SCRN1: variants seen among roughly 807,000 people sequenced by gnomAD.
SCRN1 encodes secernin-1.
Under a neutral mutation model 43.3 loss-of-function variants are expected in SCRN1, and 19 were observed. That is an observed-to-expected ratio of 0.44 (90% CI 0.31 to 0.64). SCRN1 has a LOEUF of 0.64. SCRN1 is among the 30% of genes least tolerant of loss of function. SCRN1 has a pLI of 0.09. For synonymous variants in SCRN1, 183 were observed against 188.9 expected (o/e 0.97, Z 0.26); for missense variants, 447 against 524.1 (o/e 0.85, Z 1.44).
chr7:29,984,568 AAAG>A (rs1195590513), intron 1 of SCRN1, among the ~76,000 whole-genome samples: 5 of 152,100 alleles, frequency 3.3e-5, no homozygotes, highest in African/African-American at 9.7e-5. Flanking sequence ...GCACCAGTTA[AAAG>A]AAGAACAATT....
At chr7:29,962,704 AATAAAATAAC>A (rs200171912) in intron 2 of SCRN1, among the ~76,000 whole-genome samples, 1,739 of 152,098 alleles carry the variant, frequency 0.011, 33 homozygotes, top group African/African-American at 0.04. Flanking sequence ...AATAAAATAA[AATAAAATAAC>A]ATAAAATAAC....
rs533574746 is a variant in SCRN1 at position 29,950,402 on chromosome 7, C to T, written c.341+4777G>A. Among the ~76,000 whole-genome samples the T allele has an allele frequency of 7.9e-5, 12 of 152,158 alleles. No individual in the cohort carries two copies. The highest frequency in any genetic ancestry group is 1.6e-4 in the Non-Finnish European group (11 of 68,018). On this transcript the variant is annotated intron_variant, in intron 3 of 7. Transcript: ENST00000242059. The surrounding 1 kb of genome is among the most constrained non-coding windows in gnomAD (Gnocchi z 4.5). ...AGCTCAGTGTGGGCCTGCCAGTGCC[C>T]CCCAAGATGAAAAACCTGGACATCA... is the stretch of plus-strand genomic sequence containing the variant.
chr7:29,945,342 C>T (rs1012737812), intron 3 of SCRN1, among the ~76,000 whole-genome samples: 5 of 152,210 alleles, frequency 3.3e-5, no homozygotes, highest in African/African-American at 1.2e-4. Flanking sequence ...CCGGTCTTTC[C>T]TGTGCTATTC....
chr7:29,983,089 G>A (rs1006692044), intron 1 of SCRN1, among the ~76,000 whole-genome samples: 3 of 151,564 alleles, frequency 2.0e-5, no homozygotes, highest in South Asian at 2.1e-4. Flanking sequence ...CGCCCACCTC[G>A]GCCTCCCAAA....
At chr7:29,947,162 T>C in intron 3 of SCRN1, 1 of 1,545,990 alleles carries the variant, frequency 6.5e-7, no homozygotes, top group Non-Finnish European at 8.7e-7. Context: ...GTTCGAATTC[T>C]TCCAAAGTGT....
chr7:29,949,512 G>A (rs1211955333), intron 3 of SCRN1, among the ~76,000 whole-genome samples: 2 of 151,234 alleles, frequency 1.3e-5, no homozygotes, highest in African/African-American at 4.9e-5. Context: ...CAAGTAGCTG[G>A]GACCACAGGC....
At position 29,922,901 on chromosome 7, in the gene SCRN1, G is replaced by A. The variant is rs1786814755; in HGVS notation, c.*1056C>T. ...TCTGGTGGTAAGTCAAATCCTTTAA[G>A]TGAACCCGACATTGGAAACAAATCA... On this transcript the variant is annotated 3_prime_UTR_variant, in exon 8 of 8. Transcript: ENST00000242059. 6.6e-6 allele frequency: 1 copy of A among 152,208 alleles called. No homozygotes were observed. Among genetic ancestry groups the A allele is most frequent in the Non-Finnish European group, 1.5e-5 (1 of 68,052 alleles). 9.4% of individuals were successfully genotyped at this position (152,208 alleles called of 1,614,324 possible). A position where few individuals can be genotyped will look rare whatever the true frequency, so the allele number is the denominator to read the frequency against.
Position 29,940,724 on chromosome 7 carries a change from G to C in SCRN1, c.697C>G (p.Leu233Val), listed in dbSNP as rs747005113. ...CTGTCTTTGCCAGCACCGCAGTCTAGATGATCCTCAACTGGAGAAAAGACT... is the reference window on the plus strand; with the variant it reads ...CTGTCTTTGCCAGCACCGCAGTCTACATGATCCTCAACTGGAGAAAAGACT... Reference protein sequence around the residue: ...SEVFSPVEDHLDCGAGKDSLE... With the variant: ...SEVFSPVEDHVDCGAGKDSLE... Residue 233 changes from leucine to valine, a missense_variant, in exon 5 of 8, where the codon CTA becomes GTA. Physicochemically the swap from Leu to Val is conservative, Grantham distance 32. Transcript: ENST00000242059. 6.2e-7 allele frequency: 1 copy of C among 1,606,336 alleles called. No homozygotes were observed.
chr7:29,921,429 T>A lies in SCRN1; in HGVS notation c.*2528A>T, dbSNP rs965699543. The A allele has an allele frequency of 2.6e-5, 4 of 152,174 alleles. No individual in the cohort carries two copies. The highest frequency in any genetic ancestry group is 4.4e-5 in the Non-Finnish European group (3 of 68,024). The allele number at this position is 152,174 out of a possible 1,614,324, so 9.4% of individuals were successfully genotyped here. A position where few individuals can be genotyped will look rare whatever the true frequency, so the allele number is the denominator to read the frequency against. On this transcript the variant is annotated 3_prime_UTR_variant, in exon 8 of 8. Coordinates refer to ENST00000242059, the MANE Select transcript of SCRN1 (RefSeq NM_014766.5). Reference sequence around the variant, plus strand: ...CCTGCTCAAAACCCAACAACCTATTTCCAGCTGTTAATATAAGTACATAAA... The same window carrying A: ...CCTGCTCAAAACCCAACAACCTATTACCAGCTGTTAATATAAGTACATAAA...
chr7:29,934,030 G>A (rs1351628587), intron 6 of SCRN1, among the ~76,000 whole-genome samples: 1 of 152,180 alleles, frequency 6.6e-6, no homozygotes, highest in African/African-American at 2.4e-5. Context: ...AAGACAGTAA[G>A]TCGAGCAAGC....
At chr7:29,988,200 A>G (rs977786669) in intron 1 of SCRN1, among the ~76,000 whole-genome samples, 11 of 152,324 alleles carry the variant, frequency 7.2e-5, no homozygotes, top group Non-Finnish European at 1.3e-4. Context: ...TGATGTTTAC[A>G]ATGTGCACAC....
chr7:29,926,804 G>T (rs1261801816), intron 6 of SCRN1, among the ~76,000 whole-genome samples, 172 bp from the exon 7 acceptor site: 1 of 152,036 alleles, frequency 6.6e-6, no homozygotes, highest in Admixed American at 6.6e-5. Context: ...TGTTTTAGTC[G>T]CTATTTTAGC....
intron 6 of SCRN1, among the ~76,000 whole-genome samples, chr7:29,930,628 T>C (rs1292648541): frequency 6.6e-6 from 1 of 152,188 alleles, no homozygotes; most frequent in East Asian, 1.9e-4. Context: ...CGTGGATGGC[T>C]TGGATGCAGA....
intron 1 of SCRN1, among the ~76,000 whole-genome samples, chr7:29,979,059 A>C (rs1176658308): frequency 6.6e-6 from 1 of 152,194 alleles, no homozygotes; most frequent in Non-Finnish European, 1.5e-5. Context: ...GATGTTTCCC[A>C]ATTTTTTTAT....
intron 2 of SCRN1, among the ~76,000 whole-genome samples, chr7:29,957,569 C>G (rs543071538): frequency 6.6e-5 from 10 of 152,296 alleles, no homozygotes; most frequent in Middle Eastern, 3.4e-3. Flanking sequence ...TTATTTAGTT[C>G]ACTGACATGC....
intron 1 of SCRN1, among the ~76,000 whole-genome samples, chr7:29,978,964 A>T (rs1325360986): frequency 6.6e-6 from 1 of 152,276 alleles, no homozygotes; most frequent in Non-Finnish European, 1.5e-5. Flanking sequence ...CAAAACCTAC[A>T]TTTATTCATA....
chr7:29,957,824 TGTGAAGGG>T, intron 2 of SCRN1, among the ~76,000 whole-genome samples: 1 of 152,154 alleles, frequency 6.6e-6, no homozygotes, highest in African/African-American at 2.4e-5. Flanking sequence ...GGAAGGGGCA[TGTGAAGGG>T]TCTCTATGGT....
At position 29,968,976 on chromosome 7, in the gene SCRN1, G is replaced by A; in HGVS notation, c.92C>T (p.Pro31Leu). The A allele has an allele frequency of 6.2e-7, 1 of 1,614,048 alleles. No homozygotes were observed. The highest frequency in any genetic ancestry group is 8.5e-7 in the Non-Finnish European group (1 of 1,180,006). The change falls in exon 2 of 8, where the codon CCC (proline) becomes CTC (leucine). Residue 31 changes from proline (P) to leucine (L), a missense_variant. Coordinates refer to ENST00000242059, the MANE Select transcript of SCRN1 (RefSeq NM_014766.5). The stretch of plus-strand genomic sequence containing the variant: ...CACAACCTCTTGCACTTCATCTCTG[G>A]GCCGGGCTGAATTTTTCCCAAATAC... ...LVVFGKNSAR[P>L]RDEVQEVVYF...
In SCRN1 at chr7:29,944,162, CCT is replaced by C; in HGVS notation, c.357_358del (p.Glu121AsnfsTer3). The C allele has an allele frequency of 6.2e-7, 1 of 1,614,164 alleles. No individual in the cohort carries two copies. The highest frequency in any genetic ancestry group is 8.5e-7 in the Non-Finnish European group (1 of 1,180,028). On this transcript the variant is annotated frameshift_variant, in exon 4 of 8. Transcript: ENST00000242059. LOFTEE classifies it high-confidence loss of function. ...ATCTAAGGCTTCTTTAGCTGTTTCC[CCT>C]CTTTCTAAACCAAGCCTGCAGGAAG...
Sources: gnomAD v4.1 joint callset for allele counts (sites outside exome capture counted in the v4.1 genomes callset) on GRCh38, gnomAD v4.1.1 for gene constraint, Gnocchi (gnomAD v3.1) non-coding constraint, MANE v1.5 for transcripts, NCBI Gene and HGNC (gene_info 2026-07-23, HGNC 2026-07-21) for gene names.